MTMR2: variants seen among roughly 807,000 people sequenced by gnomAD.
MTMR2 encodes the protein myotubularin related protein 2, also known as phosphatidylinositol-3,5-bisphosphate 3-phosphatase MTMR2.
MTMR2 carries 55 observed loss-of-function variants against 86.9 expected under a neutral mutation model. That is an observed-to-expected ratio of 0.63 (90% CI 0.51 to 0.79). The LOEUF (loss-of-function observed/expected upper bound fraction) is 0.79. Among genes scored for constraint, MTMR2 ranks in the 30% least tolerant of loss-of-function variants. The probability of loss-of-function intolerance (pLI) is 0.00; values close to 1 mark genes in which losing one functional copy is unlikely to be tolerated. For missense variants in MTMR2, 659 were observed against 772.3 expected (o/e 0.85, Z 1.74); for synonymous variants, 241 against 266.8 (o/e 0.90, Z 0.94).
intron 1 of MTMR2, among the ~76,000 whole-genome samples, chr11:95,908,348 G>A (rs1040459211): frequency 6.6e-6 from 1 of 151,946 alleles, no homozygotes; most frequent in African/African-American, 2.4e-5. Context: ...GACGATGCAA[G>A]CAAATTGAAA....
At chr11:95,907,613 A>T (rs142128337) in intron 1 of MTMR2, among the ~76,000 whole-genome samples, 1 of 152,294 alleles carries the variant, frequency 6.6e-6, no homozygotes, top group East Asian at 1.9e-4. Flanking sequence ...AAAAATCCTT[A>T]ACAAAATAGT....
chr11:95,849,703 G>A lies in MTMR2; in HGVS notation c.964C>T (p.Arg322Trp), dbSNP rs1863939661. The change falls in exon 9 of 15, where the codon CGG becomes TGG. Residue 322 changes from arginine to tryptophan, a missense_variant. This residue lies in a region of MTMR2 where 387 missense variants were observed against 526.3 expected (regional missense o/e 0.74). Coordinates refer to ENST00000346299, the MANE Select transcript of MTMR2 (RefSeq NM_016156.6). ...TTGGCAACAGCATTAACACTTGGCC[G>A]GGCATCAAATATAAAGATTTTGTGA... ...QSHKIFIFDA[R>W]PSVNAVANKA... The A allele has an allele frequency of 3.1e-6, 5 of 1,613,876 alleles. No individual in the cohort carries two copies. The highest frequency in any genetic ancestry group is 2.2e-5 in the South Asian group (2 of 91,066).
At chr11:95,835,537 T>C in intron 14 of MTMR2, 86 bp from the exon 15 acceptor site, 1 of 1,425,014 alleles carries the variant, frequency 7.0e-7, no homozygotes, top group Non-Finnish European at 9.8e-7. Context: ...CAGTGTATGT[T>C]TTTTCAGCTG....
chr11:95,877,331 C>CT lies in MTMR2; in HGVS notation c.186+10824_186+10825insA, dbSNP rs1565368414. Reference sequence around the variant, plus strand: ...CATTCAAGATCAAGCACAGGGAAGCCCTTTTTTTTTTTTTTTTTTTTTTTT... The same window carrying CT: ...CATTCAAGATCAAGCACAGGGAAGCCTCTTTTTTTTTTTTTTTTTTTTTTTT... On this transcript the variant is annotated intron_variant, in intron 2 of 14. Coordinates refer to ENST00000346299, the MANE Select transcript of MTMR2 (RefSeq NM_016156.6). 3.7e-3 allele frequency among the ~76,000 whole-genome samples: 347 copies of CT among 94,682 alleles called. 24 individuals are homozygous for CT. The highest frequency in any genetic ancestry group is 7.7e-3 in the African/African-American group (154 of 20,130). 62.1% of individuals were successfully genotyped at this position (94,682 alleles called of 152,430 possible). A position where few individuals can be genotyped will look rare whatever the true frequency, so the allele number is the denominator to read the frequency against.
chr11:95,852,776 G>A (rs1231220544), intron 7 of MTMR2, among the ~76,000 whole-genome samples: 2 of 152,054 alleles, frequency 1.3e-5, no homozygotes, highest in Non-Finnish European at 2.9e-5. Context: ...GGTGGCTCAC[G>A]CCTGTAATCC....
chr11:95,836,423 T>C, intron 13 of MTMR2, 99 bp from the exon 14 acceptor site: 1 of 1,181,966 alleles, frequency 8.5e-7, no homozygotes, highest in Non-Finnish European at 1.2e-6. Context: ...TTAAAATCTC[T>C]TTAGAGGAAG....
chr11:95,908,252 A>T (rs1342723618), intron 1 of MTMR2, among the ~76,000 whole-genome samples: 1 of 151,620 alleles, frequency 6.6e-6, no homozygotes, highest in Non-Finnish European at 1.5e-5. Context: ...CAATACCTAT[A>T]AAAAAAATAC....
chr11:95,858,946 G>A (rs1002814319), intron 5 of MTMR2, among the ~76,000 whole-genome samples: 4 of 152,150 alleles, frequency 2.6e-5, no homozygotes, highest in African/African-American at 4.8e-5. Flanking sequence ...TACATCTGAA[G>A]ATTAATATCA....
intron 1 of MTMR2, among the ~76,000 whole-genome samples, chr11:95,897,661 C>T (rs984429922): frequency 1.3e-5 from 2 of 152,066 alleles, no homozygotes; most frequent in African/African-American, 2.4e-5. Flanking sequence ...AGAAACTACA[C>T]CTATTTAGCT....
chr11:95,867,664 AC>A (rs1299785334), intron 2 of MTMR2, among the ~76,000 whole-genome samples: 1 of 152,116 alleles, frequency 6.6e-6, no homozygotes, highest in African/African-American at 2.4e-5. Context: ...CTAATTCTAC[AC>A]TGGAGATAGG....
intron 1 of MTMR2, among the ~76,000 whole-genome samples, chr11:95,910,880 T>C (rs954654722): frequency 6.6e-6 from 1 of 152,002 alleles, no homozygotes; most frequent in Non-Finnish European, 1.5e-5. Context: ...GAAGATTTTA[T>C]TTAAAAAAAA....
chr11:95,838,687 T>G (rs1863404330), intron 12 of MTMR2, among the ~76,000 whole-genome samples: 1 of 152,036 alleles, frequency 6.6e-6, no homozygotes, highest in Non-Finnish European at 1.5e-5. Context: ...AATTGCGGCT[T>G]TTGCCATTGA....
chr11:95,845,900 AAAAG>A (rs1276086968), intron 10 of MTMR2, among the ~76,000 whole-genome samples: 1 of 151,348 alleles, frequency 6.6e-6, no homozygotes, highest in Non-Finnish European at 1.5e-5. Flanking sequence ...AAAAAAAAAA[AAAAG>A]GACAATACAG....
At chr11:95,923,750 G>A (rs1310710012) in intron 1 of MTMR2, 125 bp downstream of exon 1, 4 of 1,479,250 alleles carry the variant, frequency 2.7e-6, no homozygotes, top group Admixed American at 4.6e-5. Flanking sequence ...CCCAAGTCCC[G>A]GGGAAGGAAT....
intron 1 of MTMR2, among the ~76,000 whole-genome samples, chr11:95,920,481 CT>C (rs10572906): frequency 0.48 from 67,307 of 141,636 alleles, 15,809 homozygotes; most frequent in African/African-American, 0.55. Flanking sequence ...CTGACGATTA[CT>C]TTTTTTTTTT....
chr11:95,844,876 T>C, intron 11 of MTMR2, 77 bp downstream of exon 11: 1 of 1,321,892 alleles, frequency 7.6e-7, no homozygotes, highest in Admixed American at 1.7e-5. Flanking sequence ...GAATATCTTA[T>C]TTTAAAAAAC....
At chr11:95,914,237 CTTACATTATAAT>C (rs1866617940) in intron 1 of MTMR2, 1 of 960,062 alleles carries the variant, frequency 1.0e-6, no homozygotes, top group African/African-American at 1.8e-5. Flanking sequence ...TTCCCATTCA[CTTACATTATAAT>C]TTTTGAGATG....
In MTMR2 at chr11:95,833,704, G is replaced by A. The variant is rs1863126224; in HGVS notation, c.*1586C>T. On this transcript the variant is annotated 3_prime_UTR_variant, in exon 15 of 15. Transcript: ENST00000346299. ...AGGCCAAGATAACCAAGGTTTAAATGAGGAAAATGGCAGATGCGTTTGTGA... is the reference window on the plus strand; with the variant it reads ...AGGCCAAGATAACCAAGGTTTAAATAAGGAAAATGGCAGATGCGTTTGTGA... 6.6e-6 allele frequency: 1 copy of A among 152,100 alleles called. No individual in the cohort carries two copies. Among genetic ancestry groups the A allele is most frequent in the Non-Finnish European group, 1.5e-5 (1 of 67,988 alleles). 9.4% of individuals were successfully genotyped at this position (152,100 alleles called of 1,614,324 possible). A position where few individuals can be genotyped will look rare whatever the true frequency, so the allele number is the denominator to read the frequency against.
At chr11:95,878,402 T>C (rs7109157) in intron 2 of MTMR2, among the ~76,000 whole-genome samples, 8,386 of 151,820 alleles carry the variant, frequency 0.055, 808 homozygotes, top group African/African-American at 0.19. Context: ...ACCCGCAGAA[T>C]GTACACCACA....
Sources: allele counts gnomAD v4.1 joint callset (sites outside exome capture counted in the v4.1 genomes callset), GRCh38; gene constraint gnomAD v4.1.1; regional missense constraint gnomAD v4.1.1; transcripts MANE v1.5; gene names NCBI Gene and HGNC (gene_info 2026-07-23, HGNC 2026-07-21).